The following SORL1 variants were observed in gnomAD, a reference collection of about 807,000 sequenced individuals.
The protein encoded by SORL1 is sortilin related receptor 1.
Under a neutral mutation model 273.7 loss-of-function variants are expected in SORL1, and 127 were observed. The ratio of observed to expected loss-of-function variants is 0.46; its 90% confidence interval spans 0.40 to 0.54. The LOEUF is 0.54. SORL1 is among the 20% of genes least tolerant of loss of function. SORL1 has a pLI of 0.00. For missense variants in SORL1, 2,494 were observed against 2,846.1 expected, an observed-to-expected ratio of 0.88 and a Z score of 2.81; for synonymous variants, 1,031 against 1,067.4, an observed-to-expected ratio of 0.97 and a Z score of 0.66.
intron 12 of SORL1, among the ~76,000 whole-genome samples, chr11:121,535,230 A>T (rs1342297687): frequency 6.6e-6 from 1 of 152,158 alleles, no homozygotes; most frequent in Admixed American, 6.5e-5. Context: ...GGCTCCCTGG[A>T]TGTGTGCAAC....
chr11:121,496,893 A>G lies in SORL1; in HGVS notation c.783A>G (p.Pro261=). ...GGGGAATTGATCCCTATGACAAACC[A>G]AATACCATCTACATTGAACGACATG... is the stretch of plus-strand genomic sequence containing the variant. The part of the protein sequence containing the change: ...FSWGIDPYDK[P]NTIYIERHEP... Residue 261 remains proline (P), a synonymous_variant, in exon 6 of 48, where the codon CCA becomes CCG. Coordinates refer to ENST00000260197, the MANE Select transcript of SORL1 (RefSeq NM_003105.6). The G allele has an allele frequency of 2.5e-6, 4 of 1,613,074 alleles. No homozygotes were observed. The highest frequency in any genetic ancestry group is 3.4e-6 in the Non-Finnish European group (4 of 1,179,596).
At chr11:121,523,921 T>C (rs1212681626) in intron 11 of SORL1, among the ~76,000 whole-genome samples, 2 of 152,188 alleles carry the variant, frequency 1.3e-5, no homozygotes, top group Non-Finnish European at 2.9e-5. Context: ...ATAGGTAATA[T>C]GTAAAGCAGT....
At chr11:121,517,998 T>C (rs577314232) in intron 8 of SORL1, among the ~76,000 whole-genome samples, 2 of 152,112 alleles carry the variant, frequency 1.3e-5, no homozygotes, top group East Asian at 1.9e-4. Context: ...CTCAGAGACA[T>C]GGAGAAAGAG....
At chr11:121,609,841 T>C (rs1863535005) in intron 38 of SORL1, 1 of 152,218 alleles carries the variant, frequency 6.6e-6, no homozygotes, top group Non-Finnish European at 1.5e-5. Flanking sequence ...GGATCCCTTA[T>C]TAATCCTTAT....
chr11:121,529,266 G>A (rs1862168122), intron 11 of SORL1, among the ~76,000 whole-genome samples: 1 of 152,130 alleles, frequency 6.6e-6, no homozygotes, highest in Admixed American at 6.5e-5. Context: ...ACCCAGGCTG[G>A]AGTGCAATGG....
In SORL1 at chr11:121,558,623, A is replaced by G. The variant is rs1441487410; in HGVS notation, c.2696A>G (p.Lys899Arg). 1.2e-6 allele frequency: 2 copies of G among 1,614,064 alleles called. No individual in the cohort carries two copies. The highest frequency in any genetic ancestry group is 1.7e-6 in the Non-Finnish European group (2 of 1,180,010). The change falls in exon 20 of 48, where the codon AAG becomes AGG. Residue 899 changes from lysine (K) to arginine (R), a missense_variant. Physicochemically the swap from Lys to Arg is conservative, Grantham distance 26. Coordinates refer to ENST00000260197, the MANE Select transcript of SORL1 (RefSeq NM_003105.6). The part of the protein sequence containing the change: ...VMFWTDWGDL[K>R]PGIYRSNMDG... ...TTCTGGACAGACTGGGGAGACCTGA[A>G]GCCTGGGATTTATCGGAGCAATATG...
Position 121,551,902 on chromosome 11 carries a change from A to G in SORL1, c.2266+1232A>G, listed in dbSNP as rs531074378. Among the ~76,000 whole-genome samples, 17 of 152,278 alleles carry G rather than the reference A, an allele frequency of 1.1e-4. No individual in the cohort carries two copies. In the South Asian group the frequency reaches 3.1e-3, roughly 28 times the overall value. On this transcript the variant is annotated intron_variant, in intron 16 of 47. Coordinates refer to ENST00000260197, the MANE Select transcript of SORL1 (RefSeq NM_003105.6). ...AATATTCAAATATTTCCCTCACAAG[A>G]GCTGTTATTGATGAGGGCGTGGGTT...
At chr11:121,482,033 A>G (rs1231367349) in intron 3 of SORL1, among the ~76,000 whole-genome samples, 2 of 152,200 alleles carry the variant, frequency 1.3e-5, no homozygotes, top group Non-Finnish European at 2.9e-5. Flanking sequence ...ACAGATGCCT[A>G]TAGGTGGGTT....
intron 1 of SORL1, 107 bp from the exon 2 acceptor site, chr11:121,469,900 C>A: frequency 1.2e-6 from 1 of 845,520 alleles, no homozygotes; most frequent in Non-Finnish European, 2.0e-6. Flanking sequence ...CTTTAGATGG[C>A]AGAATCTTCA....
In SORL1 at chr11:121,545,371, G is replaced by T; in HGVS notation, c.1993G>T (p.Asp665Tyr). The T allele has an allele frequency of 1.2e-6, 2 of 1,614,158 alleles. No homozygotes were observed. Among genetic ancestry groups the T allele is most frequent in the Non-Finnish European group, 1.7e-6 (2 of 1,180,024 alleles). Residue 665 changes from aspartate (D) to tyrosine (Y), a missense_variant, in exon 14 of 48, where the codon GAC (aspartate) becomes TAC (tyrosine). Coordinates refer to ENST00000260197, the MANE Select transcript of SORL1 (RefSeq NM_003105.6). ...CCATGCCACATGCTTCAATGGAGAG[G>T]ACTTTGACAGGCCGGTGGTCGTGTC... ...TPHATCFNGE[D>Y]FDRPVVVSNC...
intron 1 of SORL1, among the ~76,000 whole-genome samples, chr11:121,455,338 C>T (rs1860885698): frequency 6.6e-6 from 1 of 152,164 alleles, no homozygotes; most frequent in Admixed American, 6.5e-5. Context: ...CAGCTTCTTG[C>T]CCTCTGACCT....
intron 30 of SORL1, chr11:121,590,707 T>C: frequency 1.5e-6 from 1 of 658,328 alleles, no homozygotes; most frequent in Admixed American, 2.2e-5. Context: ...CTGTGCCTCC[T>C]CAGCCACCTG....
chr11:121,585,377 G>A (rs1414792525), intron 26 of SORL1, among the ~76,000 whole-genome samples: 1 of 152,094 alleles, frequency 6.6e-6, no homozygotes, highest in East Asian at 1.9e-4. Context: ...CAGCTACTCA[G>A]GAGGCTGAGG....
At chr11:121,586,553 T>C (rs1863113560) in intron 27 of SORL1, among the ~76,000 whole-genome samples, 1 of 152,066 alleles carries the variant, frequency 6.6e-6, no homozygotes, top group South Asian at 2.1e-4. Flanking sequence ...TTGGGGGCGA[T>C]GGTGGGATTA....
At chr11:121,532,221 C>T (rs919402068) in intron 11 of SORL1, among the ~76,000 whole-genome samples, 1 of 152,172 alleles carries the variant, frequency 6.6e-6, no homozygotes, top group Non-Finnish European at 1.5e-5. Flanking sequence ...ATATTAAGCC[C>T]GTGTTTCTTC....
intron 3 of SORL1, among the ~76,000 whole-genome samples, chr11:121,483,011 A>G (rs995802092): frequency 1.3e-5 from 2 of 152,264 alleles, no homozygotes; most frequent in African/African-American, 4.8e-5. Flanking sequence ...TGCTGGCCAC[A>G]TGGCAGTTCT....
chr11:121,556,388 T>A (rs1862581955), intron 18 of SORL1, among the ~76,000 whole-genome samples: 1 of 152,140 alleles, frequency 6.6e-6, no homozygotes, highest in Non-Finnish European at 1.5e-5. Context: ...GAGGTTGATG[T>A]CTTAGCTGAG....
Position 121,452,455 on chromosome 11 carries a change from T to G in SORL1, c.124T>G (p.Leu42Val), listed in dbSNP as rs746225292. 6.6e-7 allele frequency: 1 copy of G among 1,510,276 alleles called. No homozygotes were observed. The highest frequency in any genetic ancestry group is 8.8e-7 in the Non-Finnish European group (1 of 1,130,876). 93.6% of individuals were successfully genotyped at this position (1,510,276 alleles called of 1,614,324 possible). A position where few individuals can be genotyped will look rare whatever the true frequency, so the allele number is the denominator to read the frequency against. Reference sequence around the variant, plus strand: ...GAGGCTGCACGGCGGCAGCGCGCCCTTGCCCCAGGACCGGGGCTTCCTCGT... The same window carrying G: ...GAGGCTGCACGGCGGCAGCGCGCCCGTGCCCCAGGACCGGGGCTTCCTCGT... ...TQRLHGGSAP[L>V]PQDRGFLVVQ... Residue 42 changes from leucine to valine, a missense_variant, in exon 1 of 48, where the codon TTG (leucine) becomes GTG (valine). This residue lies in a region of SORL1 where 175 missense variants were observed against 147.1 expected (regional missense o/e 1.19). Transcript: ENST00000260197. This position sits in a 1 kb window ranked among gnomAD's most constrained non-coding sequence, Gnocchi z 5.3.
At chr11:121,531,977 T>C (rs925380739) in intron 11 of SORL1, among the ~76,000 whole-genome samples, 1 of 152,214 alleles carries the variant, frequency 6.6e-6, no homozygotes, top group African/African-American at 2.4e-5. Flanking sequence ...GTGTAGCTTC[T>C]CTAGGTTTTA....
Sources: allele counts gnomAD v4.1 joint callset (sites outside exome capture counted in the v4.1 genomes callset), GRCh38; gene constraint gnomAD v4.1.1; regional missense constraint gnomAD v4.1.1; non-coding constraint Gnocchi (gnomAD v3.1); transcripts MANE v1.5; gene names NCBI Gene and HGNC (gene_info 2026-07-23, HGNC 2026-07-21).